SLC27A4: variants seen among roughly 807,000 people sequenced by gnomAD.
The protein encoded by SLC27A4 is long-chain fatty acid transport protein 4.
SLC27A4 carries 33 observed loss-of-function variants against 64.4 expected under a neutral mutation model. The observed-to-expected ratio is 0.51, with a 90% confidence interval of 0.39 to 0.68. The LOEUF is 0.68. Ranked by LOEUF, SLC27A4 falls within the 30% of genes least tolerant of loss-of-function variation. The pLI, the probability that SLC27A4 is intolerant of heterozygous loss-of-function variation, is 0.00. For synonymous variants in SLC27A4, 377 were observed against 370.0 expected, an observed-to-expected ratio of 1.02 and a Z score of -0.22; for missense variants, 824 against 883.5, an observed-to-expected ratio of 0.93 and a Z score of 0.85.
In SLC27A4 at chr9:128,354,514, C is replaced by G. The variant is rs534241390; in HGVS notation, c.1325-539C>G. 2.6e-5 allele frequency among the ~76,000 whole-genome samples: 4 copies of G among 152,204 alleles called. No individual in the cohort carries two copies. In the East Asian group the frequency reaches 7.8e-4, roughly 29 times the overall value. On this transcript the variant is annotated intron_variant, in intron 9 of 12. Transcript: ENST00000300456. ...GCTTTGTTAGGCTGTCCCCAAGGAG[C>G]CTGACTTATGTTCATCCTCCCATCA...
chr9:128,341,203 G>A (rs1424341890), intron 1 of SLC27A4, among the ~76,000 whole-genome samples: 1 of 152,224 alleles, frequency 6.6e-6, no homozygotes. Context: ...GGGGGAGGGG[G>A]AGATGGTCTC....
rs1832603183 is a variant in SLC27A4 at position 128,343,205 on chromosome 9, G to A, written c.73G>A (p.Val25Met). 1 of 1,614,194 alleles carries A rather than the reference G, an allele frequency of 6.2e-7. No homozygotes were observed. Among genetic ancestry groups the A allele is most frequent in the Non-Finnish European group, 8.5e-7 (1 of 1,180,028 alleles). ...KLVLKLPWTQVGFSLLFLYLG... is the reference protein window; with the variant it reads ...KLVLKLPWTQMGFSLLFLYLG... ...GGTGCTGAAACTGCCCTGGACCCAG[G>A]TGGGATTCTCCCTGTTGTTCCTCTA... Residue 25 changes from valine (V) to methionine (M), a missense_variant, in exon 2 of 13, where the codon GTG becomes ATG. Physicochemically the swap from Val to Met is conservative, Grantham distance 21. Coordinates refer to ENST00000300456, the MANE Select transcript of SLC27A4 (RefSeq NM_005094.4).
In SLC27A4 at chr9:128,350,479, CCCAGGTATTA is replaced by C; in HGVS notation, c.786-2_793del. ...CGCTCAGCCCTTGGCCCTGTGCCTT[CCCAGGTATTA>C]CCGCATGGCTGCCCTGGTGTACTAT... On this transcript the variant is annotated splice_acceptor_variant and splice_polypyrimidine_tract_variant and coding_sequence_variant and intron_variant, in exon 6 of 13. Transcript: ENST00000300456. LOFTEE classifies it high-confidence loss of function. 6.2e-7 allele frequency: 1 copy of C among 1,613,970 alleles called. No individual in the cohort carries two copies. The highest frequency in any genetic ancestry group is 8.5e-7 in the Non-Finnish European group (1 of 1,179,888).
chr9:128,349,774 G>T (rs1282386964), intron 4 of SLC27A4, among the ~76,000 whole-genome samples: 1 of 152,228 alleles, frequency 6.6e-6, no homozygotes, highest in Non-Finnish European at 1.5e-5. Context: ...GGCAATCCCT[G>T]TCGAGGGCTG....
At chr9:128,340,909 T>C in intron 1 of SLC27A4, 71 bp downstream of exon 1, 1 of 526,284 alleles carries the variant, frequency 1.9e-6, no homozygotes, top group Admixed American at 3.2e-5. Context: ...GAGGTGGCGG[T>C]GCGGACCCCA....
At chr9:128,357,600 G>A (rs1165045534) in intron 12 of SLC27A4, among the ~76,000 whole-genome samples, 1 of 152,190 alleles carries the variant, frequency 6.6e-6, no homozygotes, top group South Asian at 2.1e-4. Context: ...GGTGGGCAGC[G>A]GGCCCGCAGT....
chr9:128,354,725 A>G (rs954665797), intron 9 of SLC27A4, among the ~76,000 whole-genome samples: 2 of 151,876 alleles, frequency 1.3e-5, no homozygotes, highest in Admixed American at 1.3e-4. Context: ...AGGCGGGTGG[A>G]TCACCTGAGG....
chr9:128,345,160 G>T lies in SLC27A4; in HGVS notation c.167G>T (p.Gly56Val), dbSNP rs140481562. The T allele has an allele frequency of 9.9e-4, 1,594 of 1,613,216 alleles. 10 individuals carry two copies. Among genetic ancestry groups the T allele is most frequent in the South Asian group, 6.2e-3 (568 of 91,088 alleles). The change falls in exon 3 of 13, where the codon GGC becomes GTC. Residue 56 changes from glycine to valine, a missense_variant. Physicochemically the swap from Gly to Val is moderately radical, Grantham distance 109. Coordinates refer to ENST00000300456, the MANE Select transcript of SLC27A4 (RefSeq NM_005094.4). The surrounding 1 kb of genome is among the most constrained non-coding windows in gnomAD (Gnocchi z 4.1). ...IKTIRRDIFG[G>V]LVLLKVKAKV... is the part of the protein sequence containing the mutation. Reference sequence around the variant, plus strand: ...CCTCTCTTGTTCACACACAGTGGCGGCCTGGTCCTCCTGAAGGTGAAGGCA... The same window carrying T: ...CCTCTCTTGTTCACACACAGTGGCGTCCTGGTCCTCCTGAAGGTGAAGGCA...
chr9:128,358,445 AATTT>A (rs1043512327), intron 12 of SLC27A4, among the ~76,000 whole-genome samples: 1 of 152,004 alleles, frequency 6.6e-6, no homozygotes. Flanking sequence ...AATTAACTTA[AATTT>A]ATTTATTTAT....
At chr9:128,341,113 G>T (rs901460707) in intron 1 of SLC27A4, among the ~76,000 whole-genome samples, 3 of 152,236 alleles carry the variant, frequency 2.0e-5, no homozygotes, top group Admixed American at 2.0e-4. Flanking sequence ...GGAGGCCAGA[G>T]ATCTGAGGAC....
At chr9:128,342,194 CG>C (rs1564397716) in intron 1 of SLC27A4, 2 of 1,550,456 alleles carry the variant, frequency 1.3e-6, no homozygotes, top group South Asian at 2.2e-5. Flanking sequence ...AGACTTCGCT[CG>C]TTCTCGCATG....
At chr9:128,349,921 C>G (rs1201318576) in intron 4 of SLC27A4, among the ~76,000 whole-genome samples, 1 of 152,216 alleles carries the variant, frequency 6.6e-6, no homozygotes, top group Admixed American at 6.5e-5. Context: ...ACCACCTCCC[C>G]TCCTGCAAGC....
At chr9:128,341,865 A>C (rs894284179) in intron 1 of SLC27A4, among the ~76,000 whole-genome samples, 1 of 152,066 alleles carries the variant, frequency 6.6e-6, no homozygotes, top group African/African-American at 2.4e-5. Flanking sequence ...CAGCCTCCTG[A>C]GTAGCTGGGG....
At chr9:128,352,865 T>A (rs1186595794) in intron 7 of SLC27A4, 118 bp downstream of exon 7, 2 of 1,072,584 alleles carry the variant, frequency 1.9e-6, no homozygotes, top group African/African-American at 3.1e-5. Context: ...GGCTCATTTG[T>A]GGCAAAGTTC....
At chr9:128,340,947 T>C in intron 1 of SLC27A4, 109 bp downstream of exon 1, 1 of 481,264 alleles carries the variant, frequency 2.1e-6, no homozygotes, top group Non-Finnish European at 3.8e-6. Context: ...GCGGCGCTAT[T>C]TCCCCGACAG....
Position 128,353,340 on chromosome 9 carries a change from A to G in SLC27A4, c.1198-75A>G. ...TCGAGCGTGAGAGTGTGGGTGCTGG[A>G]GTCCCACTTCCCCCTCATTGTCCAG... is the stretch of plus-strand genomic sequence containing the variant. On this transcript the variant is annotated intron_variant, in intron 8 of 12. Coordinates refer to ENST00000300456, the MANE Select transcript of SLC27A4 (RefSeq NM_005094.4). The surrounding 1 kb of genome is among the most constrained non-coding windows in gnomAD (Gnocchi z 4.9). 6.2e-7 allele frequency: 1 copy of G among 1,611,430 alleles called. No individual in the cohort carries two copies. Among genetic ancestry groups the G allele is most frequent in the Non-Finnish European group, 8.5e-7 (1 of 1,178,018 alleles).
chr9:128,355,111 T>C lies in SLC27A4; in HGVS notation c.1383T>C (p.Asp461=). Residue 461 remains aspartate, a synonymous_variant, in exon 10 of 13, where the codon GAT becomes GAC. Transcript: ENST00000300456. ...IIQKDPLRRF[D]GYLNQGANNK... The stretch of plus-strand genomic sequence containing the variant: ...AGAAAGACCCCCTGCGCCGCTTCGA[T>C]GGCTACCTCAACCAGGGCGCCAACA... 6.2e-7 allele frequency: 1 copy of C among 1,613,626 alleles called. No individual in the cohort carries two copies. The highest frequency in any genetic ancestry group is 8.5e-7 in the Non-Finnish European group (1 of 1,179,820).
chr9:128,343,308 C>G lies in SLC27A4; in HGVS notation c.161+15C>G. The G allele has an allele frequency of 6.2e-7, 1 of 1,614,088 alleles. No homozygotes were observed. Reference sequence around the variant, plus strand: ...CGCGATATCTTGTGAGTACCTGGCCCAGCCTTTCCTGGGGTCTGCCACACT... The same window carrying G: ...CGCGATATCTTGTGAGTACCTGGCCGAGCCTTTCCTGGGGTCTGCCACACT... On this transcript the variant is annotated intron_variant, in intron 2 of 12. Coordinates refer to ENST00000300456, the MANE Select transcript of SLC27A4 (RefSeq NM_005094.4).
intron 12 of SLC27A4, among the ~76,000 whole-genome samples, chr9:128,358,883 C>A (rs2131273813): frequency 6.6e-6 from 1 of 152,308 alleles, no homozygotes; most frequent in African/African-American, 2.4e-5. Flanking sequence ...CCCAGGGCAC[C>A]CCCAAGCAGG....
Sources: allele counts gnomAD v4.1 joint callset (sites outside exome capture counted in the v4.1 genomes callset), GRCh38; gene constraint gnomAD v4.1.1; non-coding constraint Gnocchi (gnomAD v3.1); transcripts MANE v1.5; gene names NCBI Gene and HGNC (gene_info 2026-07-23, HGNC 2026-07-21).